Variants in BCAS3 observed in about 807,000 individuals in gnomAD.
The protein encoded by BCAS3 is BCAS3 microtubule associated cell migration factor.
BCAS3 carries 53 observed loss-of-function variants against 116.1 expected under a neutral mutation model. The observed-to-expected ratio is 0.46, with a 90% CI of 0.37 to 0.57. The LOEUF (loss-of-function observed/expected upper bound fraction) is 0.57, where lower values mean the gene tolerates loss of function less well. Among genes scored for constraint, BCAS3 ranks in the 20% least tolerant of loss-of-function variants. The pLI, the probability that BCAS3 is intolerant of heterozygous loss-of-function variation, is 0.00. For missense variants in BCAS3, 917 were observed against 1,165.4 expected, an observed-to-expected ratio of 0.79 and a Z score of 3.10; for synonymous variants, 391 against 408.2, an observed-to-expected ratio of 0.96 and a Z score of 0.51.
intron 22 of BCAS3, among the ~76,000 whole-genome samples, chr17:61,170,366 C>T (rs1386635845): frequency 1.3e-5 from 2 of 151,950 alleles, no homozygotes; most frequent in African/African-American, 4.8e-5. Context: ...GACCTTGGCT[C>T]ACTGCAAGCT....
At chr17:61,070,371 A>ATG (rs1343454961) in intron 19 of BCAS3, 1 of 97,398 alleles carries the variant, frequency 1.0e-5, no homozygotes, top group African/African-American at 1.4e-4. Context: ...TTCTGAATAT[A>ATG]TATATATATA....
At chr17:60,689,037 ATAGT>A (rs1469010840) in intron 3 of BCAS3, 1 of 152,168 alleles carries the variant, frequency 6.6e-6, no homozygotes, top group Non-Finnish European at 1.5e-5. Flanking sequence ...CTAGCACTTA[ATAGT>A]TAAAGGTAGT....
At position 60,742,617 on chromosome 17, in the gene BCAS3, G is replaced by A. The variant is rs547864558; in HGVS notation, c.322-4581G>A. Among the ~76,000 whole-genome samples, 3 of 151,404 alleles carry A rather than the reference G, an allele frequency of 2.0e-5. No individual in the cohort carries two copies. The East Asian group carries it at 6.0e-4, about 30-fold the overall frequency. On this transcript the variant is annotated intron_variant, in intron 5 of 23. Transcript: ENST00000407086. Reference sequence around the variant, plus strand: ...CCGGCTAATTTTTGTATTTTTGGTAGAGACAGCTTTTCACCATGTTGGCCA... The same window carrying A: ...CCGGCTAATTTTTGTATTTTTGGTAAAGACAGCTTTTCACCATGTTGGCCA...
intron 5 of BCAS3, among the ~76,000 whole-genome samples, chr17:60,723,473 G>A (rs898763007): frequency 1.3e-5 from 2 of 151,988 alleles, no homozygotes; most frequent in Non-Finnish European, 2.9e-5. Context: ...TGATCCAGCC[G>A]CCTCGGCCTC....
At chr17:61,254,945 T>C (rs1409882461) in intron 22 of BCAS3, among the ~76,000 whole-genome samples, 1 of 152,094 alleles carries the variant, frequency 6.6e-6, no homozygotes, top group Non-Finnish European at 1.5e-5. Context: ...AGCTTTTTCC[T>C]TTTAAATTTT....
intron 22 of BCAS3, among the ~76,000 whole-genome samples, chr17:61,269,053 A>G (rs763572317): frequency 7.9e-5 from 12 of 151,098 alleles, no homozygotes; most frequent in Non-Finnish European, 1.5e-4. Flanking sequence ...CTCTTTGACT[A>G]TTGTGACTAA....
At chr17:60,688,746 G>C (rs568396743) in intron 3 of BCAS3, among the ~76,000 whole-genome samples, 1 of 151,512 alleles carries the variant, frequency 6.6e-6, no homozygotes, top group African/African-American at 2.4e-5. Context: ...AACCCGGGAG[G>C]TGGAGGGTAC....
At chr17:61,163,725 G>A (rs1428651502) in intron 22 of BCAS3, among the ~76,000 whole-genome samples, 13 of 151,982 alleles carry the variant, frequency 8.6e-5, no homozygotes, top group Admixed American at 7.2e-4. Context: ...GGTGGCTCAC[G>A]CCTGTAATCC....
rs760645823 is a variant in BCAS3 at position 61,075,026 on chromosome 17, A to G, written c.2130+6A>G. ...ATGAAGAATGGCTTTCCCAGGTAAA[A>G]CTCTGAAATATTGAGAGTATTAAAG... On this transcript the variant is annotated splice_donor_region_variant and intron_variant, in intron 20 of 23. Transcript: ENST00000407086. 2.0e-5 allele frequency: 32 copies of G among 1,590,196 alleles called. 1 individual carries two copies. In the South Asian group the frequency reaches 3.3e-4, roughly 17 times the overall value.
intron 13 of BCAS3, among the ~76,000 whole-genome samples, chr17:60,938,735 T>TAGAA (rs1461249706): frequency 1.3e-5 from 2 of 151,806 alleles, no homozygotes; most frequent in East Asian, 3.9e-4. Flanking sequence ...GATAGATAGA[T>TAGAA]AGATAGATAG....
chr17:60,946,296 AG>A (rs764855534), intron 13 of BCAS3, among the ~76,000 whole-genome samples: 14 of 152,194 alleles, frequency 9.2e-5, no homozygotes, highest in Admixed American at 2.0e-4. Flanking sequence ...CTGTTGTATA[AG>A]GTCCTCACAC....
intron 4 of BCAS3, among the ~76,000 whole-genome samples, chr17:60,697,982 A>G (rs547463861): frequency 1.5e-4 from 23 of 152,118 alleles, no homozygotes; most frequent in Admixed American, 1.2e-3. Context: ...GATTGAGACC[A>G]TCCTGGCTAA....
intron 5 of BCAS3, among the ~76,000 whole-genome samples, chr17:60,718,498 T>G (rs76471769): frequency 0.031 from 4,735 of 152,240 alleles, 237 homozygotes; most frequent in African/African-American, 0.1. Context: ...GCAGTGATGC[T>G]ATCTTTGCTC....
At position 60,827,057 on chromosome 17, in the gene BCAS3, A is replaced by G. The variant is rs1256858084; in HGVS notation, c.476+18981A>G. Among the ~76,000 whole-genome samples the G allele has an allele frequency of 2.6e-5, 4 of 152,244 alleles. No homozygotes were observed. In the East Asian group the frequency reaches 7.7e-4, roughly 29 times the overall value. On this transcript the variant is annotated intron_variant, in intron 7 of 23. Coordinates refer to ENST00000407086, the MANE Select transcript of BCAS3 (RefSeq NM_017679.5). ...TATTCCTGAATCCATGGATGAAAAT[A>G]TAGAATAATGGAACTAACAAGGGTT...
At chr17:60,693,259 T>A (rs1365961310) in intron 4 of BCAS3, among the ~76,000 whole-genome samples, 1 of 151,970 alleles carries the variant, frequency 6.6e-6, no homozygotes, top group Non-Finnish European at 1.5e-5. Flanking sequence ...CATTTTTCTG[T>A]CAAATTCTCT....
rs1042806666 is a variant in BCAS3 at position 61,106,659 on chromosome 17, G to A, written c.2425+22095G>A. Among the ~76,000 whole-genome samples the A allele has an allele frequency of 1.3e-5, 2 of 152,122 alleles. No individual in the cohort carries two copies. The highest frequency in any genetic ancestry group is 2.4e-5 in the African/African-American group (1 of 41,422). On this transcript the variant is annotated intron_variant, in intron 22 of 23. Coordinates refer to ENST00000407086, the MANE Select transcript of BCAS3 (RefSeq NM_017679.5). The surrounding 1 kb of genome is among the most constrained non-coding windows in gnomAD (Gnocchi z 4.2). ...GAACGTATCCCCATAGATAAGGAGCGGGGGACAGTTGTAGAATAAATTATA... is the reference window on the plus strand; with the variant it reads ...GAACGTATCCCCATAGATAAGGAGCAGGGGACAGTTGTAGAATAAATTATA...
In BCAS3 at chr17:61,156,036, CTT is replaced by C. The variant is rs1247574078; in HGVS notation, c.2425+71475_2425+71476del. 6.6e-6 allele frequency among the ~76,000 whole-genome samples: 1 copy of C among 152,110 alleles called. No individual in the cohort carries two copies. The highest frequency in any genetic ancestry group is 1.9e-4 in the East Asian group (1 of 5,174). ...GTATTGTTTAAAGTGACTTAAATGA[CTT>C]TTCCCAACAAGCTCACCAGGCATTC... On this transcript the variant is annotated intron_variant, in intron 22 of 23. Transcript: ENST00000407086. The surrounding 1 kb of genome is among the most constrained non-coding windows in gnomAD (Gnocchi z 4.7).
chr17:60,709,264 A>G lies in BCAS3; in HGVS notation c.260A>G (p.Asn87Ser), dbSNP rs2643103. 0.96 allele frequency: 1,530,238 copies of G among 1,602,012 alleles called. 746,510 individuals are homozygous for G. Among genetic ancestry groups the G allele is most frequent in the Non-Finnish European group, 1 (1,163,559 of 1,169,286 alleles). ...TTTCATGAAATACATAGTACTGGGA[A>G]TGAACCGCCTTTGTTGATTATGATT... ...LEFHEIHSTGNEPPLLIMIGY... is the reference protein window; with the variant it reads ...LEFHEIHSTGSEPPLLIMIGY... Residue 87 changes from asparagine to serine, a missense_variant, in exon 5 of 24, where the codon AAT (asparagine) becomes AGT (serine). By Grantham distance (46) the Asn-to-Ser change is conservative. Transcript: ENST00000407086.
At chr17:61,057,379 A>G (rs1215753924) in intron 19 of BCAS3, among the ~76,000 whole-genome samples, 2 of 152,212 alleles carry the variant, frequency 1.3e-5, no homozygotes, top group Non-Finnish European at 2.9e-5. Flanking sequence ...TGACTGCTCC[A>G]GTGTAAGTTT....
Sources: gnomAD v4.1 joint callset for allele counts (sites outside exome capture counted in the v4.1 genomes callset) on GRCh38, gnomAD v4.1.1 for gene constraint, Gnocchi (gnomAD v3.1) non-coding constraint, MANE v1.5 for transcripts, NCBI Gene and HGNC (gene_info 2026-07-23, HGNC 2026-07-21) for gene names.